MICU1: variants seen among roughly 807,000 people sequenced by gnomAD.
MICU1 encodes the protein calcium uptake protein 1, mitochondrial.
MICU1 carries 45 observed loss-of-function variants against 56.8 expected under a neutral mutation model. The ratio of observed to expected loss-of-function variants is 0.79; its 90% CI spans 0.62 to 1.02. MICU1 has a LOEUF of 1.02. Among genes scored for constraint, MICU1 ranks in the 50% least tolerant of loss-of-function variants. The pLI is 0.00. For missense variants in MICU1, 504 were observed against 587.1 expected (o/e 0.86, Z 1.46); for synonymous variants, 186 against 195.1 (o/e 0.95, Z 0.39).
At chr10:72,442,100 A>G (rs185780732) in intron 8 of MICU1, among the ~76,000 whole-genome samples, 2 of 152,304 alleles carry the variant, frequency 1.3e-5, no homozygotes, top group Admixed American at 6.5e-5. Flanking sequence ...CATGAAGCAA[A>G]TTAGTCATCA....
At chr10:72,549,286 G>A (rs1162675048) in intron 4 of MICU1, among the ~76,000 whole-genome samples, 1 of 151,100 alleles carries the variant, frequency 6.6e-6, no homozygotes, top group Admixed American at 6.6e-5. Flanking sequence ...CACCTCCCAG[G>A]CTCAAGCCAT....
intron 9 of MICU1, among the ~76,000 whole-genome samples, chr10:72,417,453 C>CAAAAAA (rs869171199): frequency 1.5e-5 from 1 of 66,462 alleles, no homozygotes; most frequent in Non-Finnish European, 3.0e-5. Context: ...GACTCCGTCT[C>CAAAAAA]AAAAAAAAAA....
chr10:72,519,769 A>G (rs566946387), intron 5 of MICU1, among the ~76,000 whole-genome samples: 7 of 152,312 alleles, frequency 4.6e-5, no homozygotes, highest in African/African-American at 1.4e-4. Context: ...GAGAGAAAAC[A>G]TATCTAGAAA....
intron 9 of MICU1, among the ~76,000 whole-genome samples, chr10:72,420,951 G>A (rs1446322371): frequency 8.4e-5 from 12 of 143,206 alleles, no homozygotes; most frequent in Non-Finnish European, 1.3e-4. Flanking sequence ...GCGATGAGCC[G>A]AGATCACGCC....
chr10:72,568,926 G>GA (rs1554890867), intron 1 of MICU1, among the ~76,000 whole-genome samples: 1 of 149,970 alleles, frequency 6.7e-6, no homozygotes, highest in Non-Finnish European at 1.5e-5. Context: ...GCTAATTTTT[G>GA]TTTTTTTAGT....
intron 11 of MICU1, 148 bp from the exon 12 acceptor site, chr10:72,368,503 T>C: frequency 1.1e-6 from 1 of 899,334 alleles, no homozygotes; most frequent in Non-Finnish European, 1.7e-6. Context: ...ATTCATTAGT[T>C]TATTCCTTCC....
chr10:72,399,302 G>C (rs1863370918), intron 10 of MICU1, among the ~76,000 whole-genome samples: 1 of 151,894 alleles, frequency 6.6e-6, no homozygotes, highest in Non-Finnish European at 1.5e-5. Flanking sequence ...TCACACACTG[G>C]GGCCTGTTGC....
chr10:72,558,808 T>C (rs1840222888), intron 3 of MICU1, among the ~76,000 whole-genome samples: 1 of 152,172 alleles, frequency 6.6e-6, no homozygotes, highest in African/African-American at 2.4e-5. Context: ...GGAAGAACTC[T>C]TGAAGCCAGG....
At chr10:72,377,171 G>A (rs1048181915) in intron 10 of MICU1, among the ~76,000 whole-genome samples, 5 of 151,814 alleles carry the variant, frequency 3.3e-5, no homozygotes. Flanking sequence ...CCAGACTGGA[G>A]TGCAGTGGCA....
At chr10:72,512,240 T>A (rs1319155311) in intron 5 of MICU1, among the ~76,000 whole-genome samples, 2 of 150,532 alleles carry the variant, frequency 1.3e-5, no homozygotes, top group African/African-American at 4.9e-5. Context: ...GCCTCCCAAG[T>A]AGCGGGATTA....
chr10:72,582,612 A>T (rs1442221411), intron 1 of MICU1, among the ~76,000 whole-genome samples: 1 of 152,102 alleles, frequency 6.6e-6, no homozygotes, highest in Non-Finnish European at 1.5e-5. Flanking sequence ...TTAGTTTTTT[A>T]AAATTAAATT....
rs146234745 is a variant in MICU1, at chr10:72,444,665, G to C, written c.934-21294C>G. Among the ~76,000 whole-genome samples, 427 of 152,168 alleles carry C rather than the reference G, an allele frequency of 2.8e-3. 3 individuals are homozygous for C. Among genetic ancestry groups the C allele is most frequent in the African/African-American group, 9.7e-3 (403 of 41,524 alleles). ...GGGTTTCGCCATGTTGGCCAGGCTGGTCTTGAACTCCTGTGCTCAGTGATC... is the reference window on the plus strand; with the variant it reads ...GGGTTTCGCCATGTTGGCCAGGCTGCTCTTGAACTCCTGTGCTCAGTGATC... On this transcript the variant is annotated intron_variant, in intron 8 of 11. Coordinates refer to ENST00000361114, the MANE Select transcript of MICU1 (RefSeq NM_001195518.2).
At chr10:72,439,366 AC>A (rs1393410224) in intron 8 of MICU1, among the ~76,000 whole-genome samples, 1 of 152,200 alleles carries the variant, frequency 6.6e-6, no homozygotes, top group Non-Finnish European at 1.5e-5. Flanking sequence ...CAGGCTAAGA[AC>A]CCTCAATAAA....
intron 1 of MICU1, among the ~76,000 whole-genome samples, chr10:72,567,588 T>C (rs1200058772): frequency 6.6e-6 from 1 of 152,174 alleles, no homozygotes; most frequent in Non-Finnish European, 1.5e-5. Context: ...CTCTCTGTGA[T>C]GCCAGAACAA....
chr10:72,395,109 G>A (rs531371900), intron 10 of MICU1, among the ~76,000 whole-genome samples: 38 of 152,252 alleles, frequency 2.5e-4, no homozygotes, highest in African/African-American at 9.1e-4. Context: ...AACCCAGGAG[G>A]CGGTGCTTGC....
chr10:72,491,287 T>G (rs1320651512), intron 6 of MICU1, among the ~76,000 whole-genome samples: 1 of 152,188 alleles, frequency 6.6e-6, no homozygotes, highest in Non-Finnish European at 1.5e-5. Context: ...CAGTTAAATA[T>G]TAATATTACT....
intron 1 of MICU1, among the ~76,000 whole-genome samples, chr10:72,580,656 T>C (rs1840876034): frequency 6.6e-6 from 1 of 152,136 alleles, no homozygotes; most frequent in South Asian, 2.1e-4. Flanking sequence ...TTCGTATTTT[T>C]TGTAGAGATG....
chr10:72,566,898 A>G (rs1370039159), intron 1 of MICU1, 104 bp from the exon 2 acceptor site: 1 of 970,314 alleles, frequency 1.0e-6, no homozygotes, highest in Non-Finnish European at 1.5e-6. Context: ...TAATTGCTCT[A>G]TGACAGGCAC....
intron 8 of MICU1, among the ~76,000 whole-genome samples, chr10:72,448,977 C>G (rs1487694926): frequency 6.6e-6 from 1 of 152,180 alleles, no homozygotes; most frequent in Non-Finnish European, 1.5e-5. Context: ...CTCCGTCACC[C>G]AGGCTGGAGT....
Sources: gnomAD v4.1 joint callset for allele counts (sites outside exome capture counted in the v4.1 genomes callset) on GRCh38, gnomAD v4.1.1 for gene constraint, MANE v1.5 for transcripts, NCBI Gene and HGNC (gene_info 2026-07-23, HGNC 2026-07-21) for gene names.